The following TGFBR3 variants were observed in gnomAD, a reference collection of about 807,000 sequenced individuals.
TGFBR3 encodes the protein transforming growth factor beta receptor type 3.
A neutral mutation model predicts 87.9 loss-of-function variants in TGFBR3; 46 were observed. The ratio of observed to expected loss-of-function variants is 0.52; its 90% CI spans 0.41 to 0.67. The LOEUF is 0.67. Ranked by LOEUF, TGFBR3 falls within the 30% of genes least tolerant of loss-of-function variation. TGFBR3 has a pLI of 0.00. For missense variants in TGFBR3, 866 were observed against 1,041.9 expected, an observed-to-expected ratio of 0.83 and a Z score of 2.32; for synonymous variants, 381 against 391.6, an observed-to-expected ratio of 0.97 and a Z score of 0.32.
At chr1:91,684,375 T>C (rs573959458) in intron 16 of TGFBR3, among the ~76,000 whole-genome samples, 10 of 152,306 alleles carry the variant, frequency 6.6e-5, no homozygotes, top group African/African-American at 1.9e-4. Context: ...CTAGCTACAG[T>C]AGAGAGAGCC....
rs901284830 is a variant in TGFBR3 at position 91,681,147 on chromosome 1, G to T, written c.*2592C>A. On this transcript the variant is annotated 3_prime_UTR_variant, in exon 17 of 17. Transcript: ENST00000212355. ...AACAATACTTTTAAAGAAACTTGTA[G>T]TACACGTTATAAAAGTAGAGCTTGT... 4.4e-6 allele frequency: 2 copies of T among 453,998 alleles called. No individual in the cohort carries two copies. The highest frequency in any genetic ancestry group is 4.7e-5 in the Admixed American group (2 of 42,558). The allele number at this position is 453,998 out of a possible 1,614,324, so 28.1% of individuals were successfully genotyped here.
chr1:91,748,378 G>A (rs1256057159), intron 4 of TGFBR3, among the ~76,000 whole-genome samples: 1 of 152,206 alleles, frequency 6.6e-6, no homozygotes, highest in East Asian at 1.9e-4. Context: ...GGGCATCCTG[G>A]TGGAGCTGAT....
chr1:91,815,140 A>G (rs1186411824), intron 2 of TGFBR3, among the ~76,000 whole-genome samples: 5 of 152,042 alleles, frequency 3.3e-5, no homozygotes, highest in African/African-American at 1.2e-4. Context: ...CAACTCTACT[A>G]AAAATACAAA....
chr1:91,835,769 A>G (rs1174403959), intron 2 of TGFBR3, among the ~76,000 whole-genome samples: 1 of 141,772 alleles, frequency 7.1e-6, no homozygotes, highest in Non-Finnish European at 1.5e-5. Context: ...CGGAGCTTGC[A>G]GTGAGCCGAG....
chr1:91,869,592 A>G (rs1292630557), intron 1 of TGFBR3, among the ~76,000 whole-genome samples: 1 of 152,266 alleles, frequency 6.6e-6, no homozygotes. Flanking sequence ...TGAACTCGGC[A>G]GGCAGAGGTT....
chr1:91,689,204 T>C (rs115745079), intron 16 of TGFBR3, among the ~76,000 whole-genome samples: 2,589 of 152,302 alleles, frequency 0.017, 69 homozygotes, highest in African/African-American at 0.059. Flanking sequence ...GAAAACTTAA[T>C]TCTTCAGATT....
chr1:91,711,911 G>A (rs1437624235), intron 13 of TGFBR3, among the ~76,000 whole-genome samples: 1 of 152,178 alleles, frequency 6.6e-6, no homozygotes, highest in African/African-American at 2.4e-5. Context: ...TTCTCACAAT[G>A]AACTTGTCCT....
chr1:91,887,022 T>A (rs1399700122), upstream of TGFBR3, among the ~76,000 whole-genome samples: 1 of 152,062 alleles, frequency 6.6e-6, no homozygotes, highest in Non-Finnish European at 1.5e-5. Flanking sequence ...CAGTTTTTCT[T>A]ATTAAAAAGT....
intron 14 of TGFBR3, among the ~76,000 whole-genome samples, chr1:91,700,759 T>TTACATTTG (rs1238129923): frequency 6.6e-6 from 1 of 152,206 alleles, no homozygotes; most frequent in East Asian, 1.9e-4. Flanking sequence ...CAATGATGCC[T>TTACATTTG]TACATTTGTA....
At position 91,885,996 on chromosome 1, in the gene TGFBR3, A is replaced by C. The variant is rs1316014125; in HGVS notation, c.-232T>G. 4.4e-6 allele frequency: 2 copies of C among 452,662 alleles called. No individual in the cohort carries two copies. The highest frequency in any genetic ancestry group is 8.8e-6 in the Non-Finnish European group (2 of 226,046). 28.0% of individuals were successfully genotyped at this position (452,662 alleles called of 1,614,324 possible). On this transcript the variant is annotated 5_prime_UTR_variant, in exon 1 of 17. Transcript: ENST00000212355. ...TCCGGCAGCTGCTGCGCCGCGGCAAAACTACGCCATCCGGACCCGCTGGGG... is the reference window on the plus strand; with the variant it reads ...TCCGGCAGCTGCTGCGCCGCGGCAACACTACGCCATCCGGACCCGCTGGGG...
intron 1 of TGFBR3, among the ~76,000 whole-genome samples, chr1:91,880,592 C>T (rs1679043533): frequency 6.6e-6 from 1 of 150,896 alleles, no homozygotes; most frequent in African/African-American, 2.4e-5. Context: ...AGCGAGACTC[C>T]GTCCCAAAAA....
intron 2 of TGFBR3, among the ~76,000 whole-genome samples, chr1:91,848,763 C>T (rs1387470652): frequency 6.6e-6 from 1 of 152,114 alleles, no homozygotes; most frequent in African/African-American, 2.4e-5. Context: ...TCCTGAAAAC[C>T]AGGCCCCCTG....
At chr1:91,689,509 G>T (rs1317510859) in intron 16 of TGFBR3, among the ~76,000 whole-genome samples, 1 of 152,062 alleles carries the variant, frequency 6.6e-6, no homozygotes. Flanking sequence ...GTGAAAGAAC[G>T]AATACATGAG....
intron 3 of TGFBR3, among the ~76,000 whole-genome samples, chr1:91,761,540 G>A (rs1423629756): frequency 2.6e-5 from 4 of 152,116 alleles, no homozygotes; most frequent in African/African-American, 7.2e-5. Context: ...CATTTGGCAG[G>A]GACAATGAGT....
chr1:91,880,826 C>T (rs1339409462), intron 1 of TGFBR3, among the ~76,000 whole-genome samples: 1 of 150,222 alleles, frequency 6.7e-6, no homozygotes, highest in East Asian at 1.9e-4. Flanking sequence ...CCAGCCGAGG[C>T]AACATAGTAA....
chr1:91,739,455 T>G (rs1210588471), intron 4 of TGFBR3, among the ~76,000 whole-genome samples: 2 of 152,178 alleles, frequency 1.3e-5, no homozygotes, highest in East Asian at 1.9e-4. Flanking sequence ...CATGTAAAAA[T>G]CCTTATTTTA....
chr1:91,821,780 T>G (rs1676461321), intron 2 of TGFBR3, among the ~76,000 whole-genome samples: 1 of 152,210 alleles, frequency 6.6e-6, no homozygotes, highest in South Asian at 2.1e-4. Flanking sequence ...TTTGCCTTAG[T>G]TTTCTCATTT....
chr1:91,681,026 C>T lies in TGFBR3; in HGVS notation c.*2713G>A. ...GTTTGGGGCATTTTAACAACAGCTT[C>T]AGCATCAAACAAACAACAAAATGGC... On this transcript the variant is annotated 3_prime_UTR_variant, in exon 17 of 17. Transcript: ENST00000212355. 2 of 454,078 alleles carry T rather than the reference C, an allele frequency of 4.4e-6. No homozygotes were observed. Among genetic ancestry groups the T allele is most frequent in the South Asian group, 3.1e-5 (2 of 64,472 alleles). The allele number at this position is 454,078 out of a possible 1,614,324, so 28.1% of individuals were successfully genotyped here.
chr1:91,829,659 T>C (rs1433176659), intron 2 of TGFBR3: 1 of 152,190 alleles, frequency 6.6e-6, no homozygotes, highest in Non-Finnish European at 1.5e-5. Context: ...CTACCAAGGA[T>C]GCTTTGGACA....
Sources: allele counts gnomAD v4.1 joint callset (sites outside exome capture counted in the v4.1 genomes callset), GRCh38; gene constraint gnomAD v4.1.1; transcripts MANE v1.5; gene names NCBI Gene and HGNC (gene_info 2026-07-23, HGNC 2026-07-21).